Variants in LRPPRC observed in about 807,000 individuals in gnomAD.
The protein encoded by LRPPRC is leucine rich pentatricopeptide repeat containing.
In LRPPRC, 120 loss-of-function variants were observed where a neutral mutation model predicts 180.3. That is an observed-to-expected ratio of 0.67 (90% confidence interval 0.57 to 0.77). The LOEUF is 0.77. Ranked by LOEUF, LRPPRC falls within the 30% of genes least tolerant of loss-of-function variation. The probability of loss-of-function intolerance (pLI) is 0.00; values close to 1 mark genes in which losing one functional copy is unlikely to be tolerated. For synonymous variants in LRPPRC, 723 were observed against 600.0 expected (o/e 1.21, Z -3.00); for missense variants, 2,012 against 1,657.2 (o/e 1.21, Z -3.72).
chr2:43,911,867 G>C (rs553618495), intron 30 of LRPPRC, among the ~76,000 whole-genome samples: 32 of 151,820 alleles, frequency 2.1e-4, no homozygotes, highest in Non-Finnish European at 4.1e-4. Context: ...CGAAAGGAGG[G>C]GGAAACACAA....
At chr2:43,914,631 G>A (rs906401937) in intron 29 of LRPPRC, among the ~76,000 whole-genome samples, 3 of 151,632 alleles carry the variant, frequency 2.0e-5, no homozygotes, top group Non-Finnish European at 4.4e-5. Context: ...GGGAGGCTGA[G>A]GCTGGAGAAT....
At position 43,947,760 on chromosome 2, in the gene LRPPRC, CCAA is replaced by C; in HGVS notation, c.1933_1935del (p.Leu645del). The C allele has an allele frequency of 1.3e-6, 2 of 1,589,426 alleles. No homozygotes were observed. Among genetic ancestry groups the C allele is most frequent in the Non-Finnish European group, 1.7e-6 (2 of 1,157,788 alleles). ...TGAAAGTCTAAATTCTTACTCTCAA[CCAA>C]CAAGTGAGCATCCTAAAATTGAAAT... On this transcript the variant is annotated inframe_deletion, in exon 19 of 38. Coordinates refer to ENST00000260665, the MANE Select transcript of LRPPRC (RefSeq NM_133259.4).
rs866524492 is a variant in LRPPRC at position 43,896,681 on chromosome 2, G to A, written c.3853C>T (p.Pro1285Ser). Residue 1285 changes from proline (P) to serine (S), a missense_variant, in exon 35 of 38, where the codon CCG (proline) becomes TCG (serine). By Grantham distance (74) the Pro-to-Ser change is moderately conservative (BLOSUM62 -1). Coordinates refer to ENST00000260665, the MANE Select transcript of LRPPRC (RefSeq NM_133259.4). ...QRCGAIAEQT[P>S]ILLLFLLRNS... ...CTAAGGAGGAACAACAACAAAATCG[G>A]GGTTTGTTCAGCAATTGCACCACAT... The A allele has an allele frequency of 2.5e-6, 4 of 1,612,458 alleles. No individual in the cohort carries two copies. The highest frequency in any genetic ancestry group is 3.4e-6 in the Non-Finnish European group (4 of 1,178,640).
chr2:43,932,953 T>C (rs900632181), intron 25 of LRPPRC, among the ~76,000 whole-genome samples: 2 of 152,302 alleles, frequency 1.3e-5, no homozygotes, highest in Middle Eastern at 3.4e-3. Context: ...CTCTGATCAG[T>C]GACCTGCTAA....
intron 30 of LRPPRC, among the ~76,000 whole-genome samples, chr2:43,911,237 T>C (rs1671245213): frequency 6.6e-6 from 1 of 151,700 alleles, no homozygotes; most frequent in African/African-American, 2.4e-5. Flanking sequence ...CCAACAGTCC[T>C]AGTGCGACTC....
intron 11 of LRPPRC, among the ~76,000 whole-genome samples, chr2:43,971,862 AAAG>A (rs1399448920): frequency 7.2e-5 from 11 of 152,232 alleles, no homozygotes; most frequent in African/African-American, 2.2e-4. Flanking sequence ...GACCTACTGC[AAAG>A]AAGAATATAT....
intron 36 of LRPPRC, chr2:43,892,684 C>A (rs571481788): frequency 1.3e-5 from 2 of 152,194 alleles, no homozygotes; most frequent in South Asian, 2.1e-4. Flanking sequence ...AGTCTTAACA[C>A]ATTTTGGGCT....
intron 11 of LRPPRC, among the ~76,000 whole-genome samples, chr2:43,964,661 ACCTGCACATTTCTTT>A (rs1673480702): frequency 1.3e-5 from 2 of 152,306 alleles, no homozygotes; most frequent in East Asian, 3.9e-4. Context: ...CATTATAAAT[ACCTGCACATTTCTTT>A]TAGATAAAAT....
intron 36 of LRPPRC, among the ~76,000 whole-genome samples, chr2:43,891,738 G>C (rs1188782732): frequency 1.3e-5 from 2 of 152,202 alleles, no homozygotes; most frequent in Admixed American, 6.5e-5. Flanking sequence ...TCAAGTGAAA[G>C]AGTCATACAT....
chr2:43,986,570 T>C (rs1469532980), intron 1 of LRPPRC, among the ~76,000 whole-genome samples: 1 of 152,252 alleles, frequency 6.6e-6, no homozygotes, highest in Non-Finnish European at 1.5e-5. Context: ...TAATAGCTAA[T>C]GTTTATCAGG....
At chr2:43,892,473 A>T (rs1266575783) in intron 36 of LRPPRC, among the ~76,000 whole-genome samples, 1 of 152,208 alleles carries the variant, frequency 6.6e-6, no homozygotes, top group Non-Finnish European at 1.5e-5. Flanking sequence ...TACATGGTTC[A>T]CTGAGTATTT....
At chr2:43,941,676 C>A (rs1201545914) in intron 23 of LRPPRC, among the ~76,000 whole-genome samples, 1 of 151,760 alleles carries the variant, frequency 6.6e-6, no homozygotes, top group Non-Finnish European at 1.5e-5. Context: ...AGGCATTTCC[C>A]CTGACTACGA....
chr2:43,950,984 T>C (rs535346606), intron 14 of LRPPRC, among the ~76,000 whole-genome samples: 1 of 152,136 alleles, frequency 6.6e-6, no homozygotes, highest in Admixed American at 6.5e-5. Context: ...GCAGGAGAAT[T>C]GCCTGAACCC....
At chr2:43,920,187 G>A (rs1442643015) in intron 27 of LRPPRC, among the ~76,000 whole-genome samples, 5 of 151,764 alleles carry the variant, frequency 3.3e-5, no homozygotes, top group African/African-American at 1.2e-4. Flanking sequence ...CCAGGCTGGA[G>A]TGCAGTGGCC....
At chr2:43,957,751 C>A (rs942847905) in intron 13 of LRPPRC, among the ~76,000 whole-genome samples, 4 of 152,110 alleles carry the variant, frequency 2.6e-5, no homozygotes, top group African/African-American at 9.7e-5. Flanking sequence ...CAGCCTGGTA[C>A]ACACACTGAG....
intron 11 of LRPPRC, among the ~76,000 whole-genome samples, chr2:43,972,731 A>G (rs1673873225): frequency 6.6e-6 from 1 of 152,220 alleles, no homozygotes; most frequent in East Asian, 1.9e-4. Context: ...ACGGCTGTAC[A>G]TTTAAAATAA....
At chr2:43,961,221 G>A (rs1673333562) in intron 12 of LRPPRC, among the ~76,000 whole-genome samples, 1 of 152,084 alleles carries the variant, frequency 6.6e-6, no homozygotes, top group South Asian at 2.1e-4. Context: ...TTATGAAAAG[G>A]TGTCAAATGA....
chr2:43,896,090 A>G (rs1281473990), intron 35 of LRPPRC: 1 of 152,716 alleles, frequency 6.5e-6, no homozygotes, highest in Non-Finnish European at 1.5e-5. Context: ...TAAATGCTCA[A>G]AAGTAGCCAC....
At chr2:43,973,957 T>C (rs1433699010) in intron 9 of LRPPRC, 57 bp from the exon 10 acceptor site, 3 of 1,182,994 alleles carry the variant, frequency 2.5e-6, no homozygotes, top group African/African-American at 1.5e-5. Flanking sequence ...CCGTTTGACC[T>C]GCTGCAAATA....
Sources: gnomAD v4.1 joint callset for allele counts (sites outside exome capture counted in the v4.1 genomes callset) on GRCh38, gnomAD v4.1.1 for gene constraint, MANE v1.5 for transcripts, NCBI Gene and HGNC (gene_info 2026-07-23, HGNC 2026-07-21) for gene names.